Variants in ADAMTS2 observed in about 807,000 individuals in gnomAD.
ADAMTS2 encodes A disintegrin and metalloproteinase with thrombospondin motifs 2.
ADAMTS2 carries 50 observed loss-of-function variants against 123.0 expected under a neutral mutation model. The ratio of observed to expected loss-of-function variants is 0.41; its 90% CI spans 0.32 to 0.51. ADAMTS2 has a LOEUF of 0.51. Among genes scored for constraint, ADAMTS2 ranks in the 20% least tolerant of loss-of-function variants. The pLI is 0.35. For missense variants in ADAMTS2, 1,494 were observed against 1,705.2 expected (o/e 0.88, Z 2.18); for synonymous variants, 678 against 695.4 (o/e 0.98, Z 0.39).
chr5:179,127,394 T>C (rs1762878708), intron 17 of ADAMTS2, among the ~76,000 whole-genome samples: 1 of 152,120 alleles, frequency 6.6e-6, no homozygotes, highest in South Asian at 2.1e-4. Context: ...GGGAGGACTG[T>C]CCTGGTCACT....
chr5:179,134,762 A>G (rs1763024236), intron 13 of ADAMTS2, among the ~76,000 whole-genome samples: 1 of 68,586 alleles, frequency 1.5e-5, no homozygotes, highest in African/African-American at 7.9e-5. Flanking sequence ...CTCCAGCTCC[A>G]GCTCCCGGCT....
chr5:179,271,737 C>T (rs2113510890), intron 3 of ADAMTS2, among the ~76,000 whole-genome samples: 1 of 152,376 alleles, frequency 6.6e-6, no homozygotes, highest in Non-Finnish European at 1.5e-5. Context: ...ATTGGGCTTC[C>T]TGATGGAACA....
chr5:179,273,100 A>C (rs757696828), intron 2 of ADAMTS2, 36 bp from the exon 3 acceptor site: 93 of 1,613,076 alleles, frequency 5.8e-5, no homozygotes, highest in Middle Eastern at 3.3e-4. Context: ...GATTTCCAGC[A>C]CACAAAAGAC....
intron 2 of ADAMTS2, among the ~76,000 whole-genome samples, chr5:179,296,088 C>T (rs887661019): frequency 8.5e-5 from 13 of 152,158 alleles, no homozygotes; most frequent in African/African-American, 2.9e-4. Context: ...GGCGGTGCCT[C>T]GGACGATGCA....
intron 9 of ADAMTS2, 72 bp downstream of exon 9, chr5:179,153,419 G>T: frequency 1.3e-6 from 2 of 1,593,612 alleles, no homozygotes; most frequent in Middle Eastern, 1.7e-4. Flanking sequence ...ACACTGTCCC[G>T]GGAGCTGCCC....
At chr5:179,318,265 G>T (rs1757056680) in intron 2 of ADAMTS2, among the ~76,000 whole-genome samples, 1 of 152,246 alleles carries the variant, frequency 6.6e-6, no homozygotes, top group Non-Finnish European at 1.5e-5. Context: ...CATTTACTCT[G>T]AAGAACTGCG....
At chr5:179,193,142 T>C (rs1338218253) in intron 4 of ADAMTS2, among the ~76,000 whole-genome samples, 1 of 152,150 alleles carries the variant, frequency 6.6e-6, no homozygotes, top group East Asian at 1.9e-4. Context: ...TGGAGACAGC[T>C]GACCGTCTCC....
intron 4 of ADAMTS2, among the ~76,000 whole-genome samples, chr5:179,187,746 T>G (rs1175669942): frequency 6.6e-6 from 1 of 152,198 alleles, no homozygotes; most frequent in East Asian, 1.9e-4. Context: ...AAATTGATCC[T>G]GGAATCTTTA....
In ADAMTS2 at chr5:179,189,970, A is replaced by G. The variant is rs1006185630; in HGVS notation, c.892-8815T>C. On this transcript the variant is annotated intron_variant, in intron 4 of 21. Transcript: ENST00000251582. This position sits in a 1 kb window ranked among gnomAD's most constrained non-coding sequence, Gnocchi z 4.2. Reference sequence around the variant, plus strand: ...GAGAGGGTGTATTGTTCACAAATTCAATTGATTGATCAGCTAGGGTGGGGC... The same window carrying G: ...GAGAGGGTGTATTGTTCACAAATTCGATTGATTGATCAGCTAGGGTGGGGC... Among the ~76,000 whole-genome samples, 3 of 152,220 alleles carry G rather than the reference A, an allele frequency of 2.0e-5. No homozygotes were observed. The South Asian group carries it at 6.2e-4, about 32-fold the overall frequency.
At chr5:179,320,474 AT>A (rs10565392) in intron 2 of ADAMTS2, among the ~76,000 whole-genome samples, 22,725 of 142,270 alleles carry the variant, frequency 0.16, 1,901 homozygotes, top group African/African-American at 0.26. Flanking sequence ...CGCCTGGCTA[AT>A]TTTTTTTTTT....
At chr5:179,328,365 T>A (rs1439602485) in intron 2 of ADAMTS2, among the ~76,000 whole-genome samples, 1 of 152,240 alleles carries the variant, frequency 6.6e-6, no homozygotes, top group Non-Finnish European at 1.5e-5. Flanking sequence ...TTTGTGATTA[T>A]CTGTGGTTCA....
chr5:179,224,497 C>T (rs1463244071), intron 3 of ADAMTS2, among the ~76,000 whole-genome samples: 1 of 152,236 alleles, frequency 6.6e-6, no homozygotes, highest in Non-Finnish European at 1.5e-5. Context: ...AATATACTCT[C>T]CCAATTTTCC....
intron 3 of ADAMTS2, among the ~76,000 whole-genome samples, chr5:179,230,492 T>C (rs547421922): frequency 5.0e-4 from 75 of 150,888 alleles, no homozygotes; most frequent in African/African-American, 1.7e-3. Flanking sequence ...CGCTTGACGT[T>C]ATGCCCGGGA....
At position 179,158,714 on chromosome 5, in the gene ADAMTS2, G is replaced by T. The variant is rs1196360635; in HGVS notation, c.1132+9C>A. 6.2e-7 allele frequency: 1 copy of T among 1,614,120 alleles called. No homozygotes were observed. Among genetic ancestry groups the T allele is most frequent in the Non-Finnish European group, 8.5e-7 (1 of 1,180,040 alleles). On this transcript the variant is annotated intron_variant, in intron 6 of 21. Coordinates refer to ENST00000251582, the MANE Select transcript of ADAMTS2 (RefSeq NM_014244.5). The surrounding 1 kb of genome is among the most constrained non-coding windows in gnomAD (Gnocchi z 5.0). ...CACGCCTCTGTGGCCCTGCATGGGT[G>T]AGGCTCACCTTGCATGCCGGAAGGC...
At chr5:179,167,958 A>G (rs116143375) in intron 5 of ADAMTS2, among the ~76,000 whole-genome samples, 4,223 of 152,274 alleles carry the variant, frequency 0.028, 199 homozygotes, top group African/African-American at 0.097. Flanking sequence ...CATGCCCCCA[A>G]GGGGATGCGG....
At chr5:179,320,435 G>C (rs1340883559) in intron 2 of ADAMTS2, among the ~76,000 whole-genome samples, 1 of 151,666 alleles carries the variant, frequency 6.6e-6, no homozygotes, top group African/African-American at 2.4e-5. Context: ...AGCCTCCTGA[G>C]TAGCTGAGAC....
chr5:179,321,526 G>A (rs956346152), intron 2 of ADAMTS2, among the ~76,000 whole-genome samples: 41 of 152,152 alleles, frequency 2.7e-4, no homozygotes, highest in East Asian at 5.8e-4. Flanking sequence ...TTAGCAGGTG[G>A]GCAGCCCCGC....
At position 179,130,224 on chromosome 5, in the gene ADAMTS2, C is replaced by A. The variant is rs1292757587; in HGVS notation, c.2291-126G>T. ...CCCTTGTCTCTCTGGCTGCCCCCGG[C>A]CAGTTTCCTCTGTGCCACGACAGCC... On this transcript the variant is annotated intron_variant, in intron 15 of 21. Coordinates refer to ENST00000251582, the MANE Select transcript of ADAMTS2 (RefSeq NM_014244.5). This position sits in a 1 kb window ranked among gnomAD's most constrained non-coding sequence, Gnocchi z 4.3. 1 of 1,209,448 alleles carries A rather than the reference C, an allele frequency of 8.3e-7. No homozygotes were observed. Among genetic ancestry groups the A allele is most frequent in the Non-Finnish European group, 1.2e-6 (1 of 839,542 alleles). 74.9% of individuals were successfully genotyped at this position (1,209,448 alleles called of 1,614,324 possible). A position where few individuals can be genotyped will look rare whatever the true frequency, so the allele number is the denominator to read the frequency against.
chr5:179,201,880 G>T (rs1442335512), intron 4 of ADAMTS2, among the ~76,000 whole-genome samples: 1 of 152,040 alleles, frequency 6.6e-6, no homozygotes, highest in Non-Finnish European at 1.5e-5. Context: ...TGCTTTTCTA[G>T]ATGTAAGGAG....
Sources: gnomAD v4.1 joint callset for allele counts (sites outside exome capture counted in the v4.1 genomes callset) on GRCh38, gnomAD v4.1.1 for gene constraint, Gnocchi (gnomAD v3.1) non-coding constraint, MANE v1.5 for transcripts, NCBI Gene and HGNC (gene_info 2026-07-23, HGNC 2026-07-21) for gene names.